Variants in FRYL observed in about 807,000 individuals in gnomAD.
FRYL encodes protein furry homolog-like.
Under a neutral mutation model 351.2 loss-of-function variants are expected in FRYL, and 150 were observed. The ratio of observed to expected loss-of-function variants is 0.43; its 90% CI spans 0.37 to 0.49. FRYL has a LOEUF of 0.49. Among genes scored for constraint, FRYL ranks in the 20% least tolerant of loss-of-function variants. The pLI, the probability that FRYL is intolerant of heterozygous loss-of-function variation, is 0.00. For synonymous variants in FRYL, 1,153 were observed against 1,257.1 expected (o/e 0.92, Z 1.75); for missense variants, 3,036 against 3,619.3 (o/e 0.84, Z 4.13).
At chr4:48,500,566 A>G (rs2148694393) in intron 62 of FRYL, among the ~76,000 whole-genome samples, 1 of 152,334 alleles carries the variant, frequency 6.6e-6, no homozygotes, top group East Asian at 1.9e-4. Flanking sequence ...AGATTTTAAA[A>G]GATTATTTAC....
intron 55 of FRYL, among the ~76,000 whole-genome samples, chr4:48,515,610 G>C (rs1000585248): frequency 1.1e-4 from 17 of 152,064 alleles, no homozygotes; most frequent in African/African-American, 4.1e-4. Context: ...TTGACCTTGT[G>C]ATCTGCCCGC....
At chr4:48,562,270 T>G (rs1435626079) in intron 32 of FRYL, among the ~76,000 whole-genome samples, 1 of 152,008 alleles carries the variant, frequency 6.6e-6, no homozygotes, top group East Asian at 1.9e-4. Context: ...GCTGTACTGC[T>G]GAACTTTCCT....
chr4:48,667,940 G>A (rs1762029012), intron 3 of FRYL, among the ~76,000 whole-genome samples: 1 of 152,174 alleles, frequency 6.6e-6, no homozygotes, highest in Admixed American at 6.5e-5. Context: ...GAGCCACAGC[G>A]TCCGGCCAAA....
chr4:48,581,325 C>T, intron 21 of FRYL, 95 bp downstream of exon 21: 1 of 1,081,394 alleles, frequency 9.2e-7, no homozygotes, highest in Non-Finnish European at 1.3e-6. Context: ...AGTTTAGACC[C>T]ATGGTAGTAA....
chr4:48,580,992 T>G, intron 21 of FRYL, 41 bp from the exon 22 acceptor site: 4 of 1,391,360 alleles, frequency 2.9e-6, no homozygotes, highest in Non-Finnish European at 3.9e-6. Context: ...ATTAGGAATG[T>G]TTAAGCAAAG....
At chr4:48,694,360 C>T (rs1765950728) in intron 2 of FRYL, among the ~76,000 whole-genome samples, 1 of 151,420 alleles carries the variant, frequency 6.6e-6, no homozygotes, top group Admixed American at 6.6e-5. Flanking sequence ...TGGAATGGCG[C>T]AATCTCAATT....
intron 41 of FRYL, chr4:48,546,851 T>C (rs1428728429): frequency 6.5e-6 from 1 of 153,028 alleles, no homozygotes; most frequent in Non-Finnish European, 1.5e-5. Flanking sequence ...ATTTTTCTTT[T>C]AATCATAGTT....
At chr4:48,626,287 C>T (rs954261474) in intron 4 of FRYL, among the ~76,000 whole-genome samples, 3 of 151,096 alleles carry the variant, frequency 2.0e-5, no homozygotes, top group African/African-American at 2.5e-5. Flanking sequence ...CATGTGTATA[C>T]GTATGCATAT....
chr4:48,751,489 C>T (rs1223355552), intron 1 of FRYL, among the ~76,000 whole-genome samples: 2 of 152,086 alleles, frequency 1.3e-5, no homozygotes, highest in Non-Finnish European at 2.9e-5. Context: ...GACATCATTT[C>T]GGGGAGTCCT....
chr4:48,691,994 T>C (rs1765719974), intron 2 of FRYL, among the ~76,000 whole-genome samples: 1 of 152,220 alleles, frequency 6.6e-6, no homozygotes, highest in Admixed American at 6.5e-5. Flanking sequence ...GCAACTATAA[T>C]TTAGAAAATT....
chr4:48,562,755 G>T, intron 32 of FRYL, 134 bp downstream of exon 32: 1 of 587,262 alleles, frequency 1.7e-6, no homozygotes, highest in Non-Finnish European at 3.1e-6. Context: ...ATAATAATTA[G>T]GCCTTGATAC....
rs148717056 is a variant in FRYL, at chr4:48,567,202, C to T, written c.3169+46G>A. 224 of 1,464,024 alleles carry T rather than the reference C, an allele frequency of 1.5e-4. 1 individual carries two copies. Among genetic ancestry groups the T allele is most frequent in the Middle Eastern group, 1.1e-3 (5 of 4,440 alleles). The allele number at this position is 1,464,024 out of a possible 1,614,324, so 90.7% of individuals were successfully genotyped here. A position where few individuals can be genotyped will look rare whatever the true frequency, so the allele number is the denominator to read the frequency against. On this transcript the variant is annotated intron_variant, in intron 28 of 63. Transcript: ENST00000358350. The surrounding 1 kb of genome is among the most constrained non-coding windows in gnomAD (Gnocchi z 4.2). ...AACCTCAAGGAAAGAAAAAATATGACGGTTCCTTAATACTCAATAATGCTT... is the reference window on the plus strand; with the variant it reads ...AACCTCAAGGAAAGAAAAAATATGATGGTTCCTTAATACTCAATAATGCTT...
intron 1 of FRYL, among the ~76,000 whole-genome samples, chr4:48,718,894 C>T (rs1769165360): frequency 6.6e-6 from 1 of 151,462 alleles, no homozygotes; most frequent in Admixed American, 6.6e-5. Context: ...TAGACTCCTC[C>T]CTTCCACTTC....
intron 7 of FRYL, among the ~76,000 whole-genome samples, chr4:48,610,368 C>G (rs1348802723): frequency 6.6e-6 from 1 of 151,758 alleles, no homozygotes; most frequent in Non-Finnish European, 1.5e-5. Context: ...AACATTTAAA[C>G]CAGTAATAAA....
chr4:48,537,243 A>G (rs763408273), intron 47 of FRYL, among the ~76,000 whole-genome samples: 1 of 152,172 alleles, frequency 6.6e-6, no homozygotes, highest in Non-Finnish European at 1.5e-5. Flanking sequence ...ATTTTAAAAA[A>G]CTTATTTTTT....
At chr4:48,656,296 T>A (rs1338943183) in intron 3 of FRYL, among the ~76,000 whole-genome samples, 2 of 134,542 alleles carry the variant, frequency 1.5e-5, no homozygotes, top group Non-Finnish European at 3.1e-5. Flanking sequence ...AAAATAAATT[T>A]GTATATTATA....
intron 3 of FRYL, among the ~76,000 whole-genome samples, chr4:48,669,485 T>A (rs1055196821): frequency 6.6e-6 from 1 of 151,886 alleles, no homozygotes; most frequent in Non-Finnish European, 1.5e-5. Flanking sequence ...AGTGTCACCA[T>A]ACCAGTACAT....
chr4:48,703,104 C>A (rs1343009504), intron 2 of FRYL, among the ~76,000 whole-genome samples: 3 of 152,106 alleles, frequency 2.0e-5, no homozygotes, highest in African/African-American at 7.2e-5. Flanking sequence ...AGCTTCAATA[C>A]CAGATGGGAT....
intron 4 of FRYL, among the ~76,000 whole-genome samples, chr4:48,632,270 C>A (rs1372683888): frequency 4.0e-5 from 6 of 148,610 alleles, no homozygotes; most frequent in Non-Finnish European, 8.9e-5. Flanking sequence ...ATGGCTGAGG[C>A]CAGGTGATGG....
Sources: gnomAD v4.1 joint callset for allele counts (sites outside exome capture counted in the v4.1 genomes callset) on GRCh38, gnomAD v4.1.1 for gene constraint, Gnocchi (gnomAD v3.1) non-coding constraint, MANE v1.5 for transcripts, NCBI Gene and HGNC (gene_info 2026-07-23, HGNC 2026-07-21) for gene names.